The following YTHDC2 variants were observed in gnomAD, a reference collection of about 807,000 sequenced individuals.
The protein encoded by YTHDC2 is YTH N6-methyladenosine RNA binding protein C2.
YTHDC2 carries 45 observed loss-of-function variants against 174.9 expected under a neutral mutation model. The ratio of observed to expected loss-of-function variants is 0.26; its 90% CI spans 0.20 to 0.33. The LOEUF (loss-of-function observed/expected upper bound fraction) is 0.33, where lower values mean the gene tolerates loss of function less well. Among genes scored for constraint, YTHDC2 ranks in the 10% least tolerant of loss-of-function variants. The pLI is 1.00. For synonymous variants in YTHDC2, 657 were observed against 574.5 expected, an observed-to-expected ratio of 1.14 and a Z score of -2.05; for missense variants, 1,650 against 1,723.7, an observed-to-expected ratio of 0.96 and a Z score of 0.76.
chr5:113,522,266 C>A (rs1773926415), intron 2 of YTHDC2, among the ~76,000 whole-genome samples: 1 of 150,598 alleles, frequency 6.6e-6, no homozygotes. Flanking sequence ...CTTAGATTTA[C>A]AAGTAGGGAA....
chr5:113,526,767 G>C lies in YTHDC2; in HGVS notation c.657G>C (p.Gly219=), dbSNP rs1774269341. ...TAGTTTTGATTGTAGGAGAAACTGG[G>C]TCTGGAAAGACCACACAGGTTTGTT... ...NKVVLIVGET[G]SGKTTQIPQF... The change falls in exon 4 of 30, where the codon GGG becomes GGC. Residue 219 remains glycine (G), a synonymous_variant. Coordinates refer to ENST00000161863, the MANE Select transcript of YTHDC2 (RefSeq NM_022828.5). 2 of 1,493,370 alleles carry C rather than the reference G, an allele frequency of 1.3e-6. No homozygotes were observed. The highest frequency in any genetic ancestry group is 1.8e-6 in the Non-Finnish European group (2 of 1,116,680). The allele number at this position is 1,493,370 out of a possible 1,614,324, so 92.5% of individuals were successfully genotyped here.
intron 4 of YTHDC2, among the ~76,000 whole-genome samples, chr5:113,528,006 G>T (rs2074014120): frequency 6.6e-6 from 1 of 152,128 alleles, no homozygotes; most frequent in Non-Finnish European, 1.5e-5. Context: ...TTACTCCAGA[G>T]AATTTGTTTA....
intron 2 of YTHDC2, among the ~76,000 whole-genome samples, chr5:113,517,055 A>C (rs1051160698): frequency 6.6e-6 from 1 of 152,224 alleles, no homozygotes; most frequent in Non-Finnish European, 1.5e-5. Context: ...AATATATTTG[A>C]GATTCAGATT....
intron 26 of YTHDC2, among the ~76,000 whole-genome samples, chr5:113,588,487 C>T (rs1778813649): frequency 1.3e-5 from 2 of 151,820 alleles, no homozygotes; most frequent in Admixed American, 6.6e-5. Context: ...GTAATGCCGG[C>T]CTCATAAGAT....
intron 23 of YTHDC2, among the ~76,000 whole-genome samples, chr5:113,578,218 G>A (rs538964408): frequency 6.8e-6 from 1 of 146,524 alleles, no homozygotes; most frequent in East Asian, 2.0e-4. Flanking sequence ...TAAGAGACAG[G>A]GTTTCACTCT....
intron 17 of YTHDC2, among the ~76,000 whole-genome samples, chr5:113,557,099 C>T (rs1776659094): frequency 6.6e-6 from 1 of 152,008 alleles, no homozygotes. Flanking sequence ...GACACAAATG[C>T]ATCGAGAAGT....
chr5:113,567,377 A>G (rs2112734297), intron 22 of YTHDC2, 80 bp downstream of exon 22: 2 of 962,090 alleles, frequency 2.1e-6, no homozygotes, highest in East Asian at 2.9e-5. Flanking sequence ...TGCTCCAAAT[A>G]CCTGCCTGCT....
At chr5:113,551,504 A>C (rs1282254704) in intron 12 of YTHDC2, among the ~76,000 whole-genome samples, 2 of 152,182 alleles carry the variant, frequency 1.3e-5, no homozygotes, top group South Asian at 2.1e-4. Context: ...TTAAAAATTA[A>C]AAAACAATAA....
intron 26 of YTHDC2, among the ~76,000 whole-genome samples, chr5:113,586,426 A>G (rs766324671): frequency 6.6e-6 from 1 of 151,870 alleles, no homozygotes; most frequent in Non-Finnish European, 1.5e-5. Flanking sequence ...TAATTATTAT[A>G]TGTTTTGCAT....
Position 113,523,168 on chromosome 5 carries a change from A to G in YTHDC2, c.279-1813A>G, listed in dbSNP as rs140577937. 3.5e-3 allele frequency among the ~76,000 whole-genome samples: 530 copies of G among 152,286 alleles called. 6 individuals are homozygous for G. The highest frequency in any genetic ancestry group is 0.02 in the East Asian group (104 of 5,188). The stretch of plus-strand genomic sequence containing the variant: ...ATGATAAATGATTGAGTGAATGAAT[A>G]AAATACAATTAAAGGTGAAATATAG... On this transcript the variant is annotated intron_variant, in intron 2 of 29. Transcript: ENST00000161863.
intron 16 of YTHDC2, among the ~76,000 whole-genome samples, chr5:113,555,044 G>A (rs1326442837): frequency 6.6e-6 from 1 of 151,808 alleles, no homozygotes; most frequent in East Asian, 1.9e-4. Context: ...ATTGAATAAA[G>A]GTGGGATAAA....
At chr5:113,571,948 G>A (rs1777749686) in intron 23 of YTHDC2, among the ~76,000 whole-genome samples, 1 of 151,876 alleles carries the variant, frequency 6.6e-6, no homozygotes, top group Admixed American at 6.6e-5. Flanking sequence ...TTTTTTGGAG[G>A]GTTTTTCCTG....
At chr5:113,541,139 C>G (rs1379930746) in intron 9 of YTHDC2, 23 bp downstream of exon 9, 5 of 1,612,796 alleles carry the variant, frequency 3.1e-6, no homozygotes, top group South Asian at 2.2e-5. Flanking sequence ...TGGTTTCCCA[C>G]TCATATTTTG....
intron 2 of YTHDC2, among the ~76,000 whole-genome samples, chr5:113,517,758 G>A (rs1773561384): frequency 6.6e-6 from 1 of 151,962 alleles, no homozygotes; most frequent in African/African-American, 2.4e-5. Context: ...ATTTTCAAAT[G>A]CCTTTTCTTC....
chr5:113,548,888 C>T (rs1380372375), intron 11 of YTHDC2, 67 bp from the exon 12 acceptor site: 2 of 1,475,598 alleles, frequency 1.4e-6, no homozygotes, highest in Non-Finnish European at 1.8e-6. Context: ...CTTGATGTTG[C>T]CCAGGCTCAT....
chr5:113,532,207 T>C (rs531467699), intron 4 of YTHDC2, among the ~76,000 whole-genome samples: 34 of 152,316 alleles, frequency 2.2e-4, no homozygotes, highest in African/African-American at 7.9e-4. Flanking sequence ...GGACATTAAG[T>C]ACAGTCATCA....
At chr5:113,592,227 T>G in intron 28 of YTHDC2, 49 bp downstream of exon 28, 1 of 1,514,882 alleles carries the variant, frequency 6.6e-7, no homozygotes, top group Non-Finnish European at 8.9e-7. Context: ...CTGTTTGTTT[T>G]CTGTTATCCA....
At chr5:113,545,321 G>A (rs1014074249) in intron 10 of YTHDC2, among the ~76,000 whole-genome samples, 2 of 151,596 alleles carry the variant, frequency 1.3e-5, no homozygotes, top group Non-Finnish European at 2.9e-5. Context: ...ATGTGTGTTG[G>A]CTCCTATTGA....
chr5:113,577,114 A>T (rs1018400994), intron 23 of YTHDC2, among the ~76,000 whole-genome samples: 1 of 152,176 alleles, frequency 6.6e-6, no homozygotes, highest in South Asian at 2.1e-4. Flanking sequence ...GCATGATTGC[A>T]TGGTAAATTT....
Sources: gnomAD v4.1 joint callset for allele counts (sites outside exome capture counted in the v4.1 genomes callset) on GRCh38, gnomAD v4.1.1 for gene constraint, MANE v1.5 for transcripts, NCBI Gene and HGNC (gene_info 2026-07-23, HGNC 2026-07-21) for gene names.